The following DSE variants were observed in gnomAD, a reference collection of about 807,000 sequenced individuals.
The protein encoded by DSE is dermatan-sulfate epimerase.
In DSE, 36 loss-of-function variants were observed where a neutral mutation model predicts 84.4. That is an observed-to-expected ratio of 0.43 (90% CI 0.33 to 0.56). DSE has a LOEUF of 0.56. DSE is among the 20% of genes least tolerant of loss of function. The pLI, the probability that DSE is intolerant of heterozygous loss-of-function variation, is 0.06. For missense variants in DSE, 862 were observed against 1,169.6 expected, an observed-to-expected ratio of 0.74 and a Z score of 3.84; for synonymous variants, 410 against 430.1, an observed-to-expected ratio of 0.95 and a Z score of 0.58.
intron 2 of DSE, among the ~76,000 whole-genome samples, chr6:116,311,025 C>T (rs1775664597): frequency 6.6e-6 from 1 of 152,172 alleles, no homozygotes; most frequent in South Asian, 2.1e-4. Context: ...CCATGCTCCT[C>T]CTCATCTCAG....
chr6:116,279,823 C>A, intron 2 of DSE: 1 of 1,613,058 alleles, frequency 6.2e-7, no homozygotes, highest in South Asian at 1.1e-5. Context: ...CCCATCCAGG[C>A]CGCTCATGTT....
intron 4 of DSE, among the ~76,000 whole-genome samples, chr6:116,431,742 C>A (rs1250190672): frequency 6.6e-6 from 1 of 152,152 alleles, no homozygotes; most frequent in East Asian, 1.9e-4. Flanking sequence ...CTTGTAATTT[C>A]TTTATTGCTG....
rs1186281880 is a variant in DSE, at chr6:116,318,442, G to A, written c.-54+59475G>A. The stretch of plus-strand genomic sequence containing the variant: ...AATGGCATGAACCCGGGCCAAGCTT[G>A]CAGTGAGCCGAGATGCACCACTGCG... On this transcript the variant is annotated intron_variant, in intron 2 of 3. Coordinates refer to the DSE transcript ENST00000430252. Among the ~76,000 whole-genome samples, 9 of 152,226 alleles carry A rather than the reference G, an allele frequency of 5.9e-5. No individual in the cohort carries two copies. The East Asian group carries it at 1.4e-3, about 23-fold the overall frequency.
intron 2 of DSE, among the ~76,000 whole-genome samples, chr6:116,301,819 T>G (rs911732620): frequency 6.6e-6 from 1 of 152,168 alleles, no homozygotes; most frequent in African/African-American, 2.4e-5. Context: ...CGGTGTGTGA[T>G]GTTCCCCTCC....
At chr6:116,423,532 G>A (rs1308748903) in intron 2 of DSE, among the ~76,000 whole-genome samples, 1 of 152,218 alleles carries the variant, frequency 6.6e-6, no homozygotes, top group Non-Finnish European at 1.5e-5. Context: ...TGGTGAATCT[G>A]TGTACACATG....
At chr6:116,396,007 A>G (rs999417952) in intron 1 of DSE, among the ~76,000 whole-genome samples, 3 of 152,194 alleles carry the variant, frequency 2.0e-5, no homozygotes, top group African/African-American at 7.2e-5. Context: ...TAGGCTTCAT[A>G]CGTGTTTTCT....
chr6:116,261,172 T>C (rs1293219503), intron 2 of DSE, among the ~76,000 whole-genome samples: 3 of 152,196 alleles, frequency 2.0e-5, no homozygotes, highest in African/African-American at 4.8e-5. Flanking sequence ...TTTGTCGTTA[T>C]CCTTGTAGAG....
At chr6:116,321,807 T>A (rs1287841169) in intron 2 of DSE, among the ~76,000 whole-genome samples, 1 of 152,140 alleles carries the variant, frequency 6.6e-6, no homozygotes, top group Non-Finnish European at 1.5e-5. Context: ...TTTACAGTTC[T>A]TTAAGTAGTG....
chr6:116,422,344 T>C (rs1483850815), intron 2 of DSE, among the ~76,000 whole-genome samples: 2 of 152,262 alleles, frequency 1.3e-5, no homozygotes, highest in East Asian at 1.9e-4. Context: ...AAGTTTGTCA[T>C]TGGCAACAAA....
At chr6:116,402,892 A>G (rs948100650) in intron 2 of DSE, among the ~76,000 whole-genome samples, 2 of 152,318 alleles carry the variant, frequency 1.3e-5, no homozygotes, top group African/African-American at 2.4e-5. Flanking sequence ...CATGCATACA[A>G]ATTTATTAAT....
intron 2 of DSE, among the ~76,000 whole-genome samples, chr6:116,263,051 G>A (rs1772479885): frequency 6.6e-6 from 1 of 152,104 alleles, no homozygotes; most frequent in South Asian, 2.1e-4. Flanking sequence ...CAATTTTAGA[G>A]TATATGCCAT....
At position 116,423,842 on chromosome 6, in the gene DSE, A is replaced by G. The variant is rs75999544; in HGVS notation, c.417-2732A>G. Reference sequence around the variant, plus strand: ...CAGCTATTACAGGTCAGCTTTTCTAATGATATAGGGACAGACCTGAAGGTG... The same window carrying G: ...CAGCTATTACAGGTCAGCTTTTCTAGTGATATAGGGACAGACCTGAAGGTG... On this transcript the variant is annotated intron_variant, in intron 2 of 5. Coordinates refer to ENST00000644252, the MANE Select transcript of DSE (RefSeq NM_013352.4). Among the ~76,000 whole-genome samples, 435 of 152,348 alleles carry G rather than the reference A, an allele frequency of 2.9e-3. 4 individuals carry two copies. Among genetic ancestry groups the G allele is most frequent in the African/African-American group, 0.01 (421 of 41,572 alleles).
chr6:116,441,220 G>A lies in DSE; in HGVS notation c.*3875G>A, dbSNP rs1348400191. On this transcript the variant is annotated 3_prime_UTR_variant, in exon 6 of 6. Coordinates refer to ENST00000644252, the MANE Select transcript of DSE (RefSeq NM_013352.4). Reference sequence around the variant, plus strand: ...AATATGTTCAAATTCTGTTAAACAAGACATAGTCACTATGTGAAGAATAAA... The same window carrying A: ...AATATGTTCAAATTCTGTTAAACAAAACATAGTCACTATGTGAAGAATAAA... 6.6e-6 allele frequency: 1 copy of A among 152,084 alleles called. No homozygotes were observed. The allele number at this position is 152,084 out of a possible 1,614,324, so 9.4% of individuals were successfully genotyped here.
intron 1 of DSE, among the ~76,000 whole-genome samples, chr6:116,375,195 C>T (rs1318054649): frequency 2.0e-5 from 3 of 152,004 alleles, no homozygotes; most frequent in Non-Finnish European, 2.9e-5. Context: ...AGATTAAAAT[C>T]CCAAACTCTT....
Position 116,380,722 on chromosome 6 carries a change from C to T in DSE, c.-54+9601C>T, listed in dbSNP as rs781472060. Among the ~76,000 whole-genome samples, 6 of 152,294 alleles carry T rather than the reference C, an allele frequency of 3.9e-5. No homozygotes were observed. The South Asian group carries it at 1.0e-3, about 26-fold the overall frequency. On this transcript the variant is annotated intron_variant, in intron 1 of 5. Coordinates refer to ENST00000644252, the MANE Select transcript of DSE (RefSeq NM_013352.4). ...AAGACAAAGAAGTCTCAGACCCTGC[C>T]TCCCAGCAGTTTATACCTGAGTTGG... is the stretch of plus-strand genomic sequence containing the variant.
intron 2 of DSE, among the ~76,000 whole-genome samples, chr6:116,269,080 C>G (rs2114611433): frequency 6.6e-6 from 1 of 151,298 alleles, no homozygotes; most frequent in Non-Finnish European, 1.5e-5. Context: ...TAAGAGAAAC[C>G]AGAGACAAAG....
intron 3 of DSE, among the ~76,000 whole-genome samples, chr6:116,429,025 T>C (rs1194392138): frequency 6.6e-6 from 1 of 152,164 alleles, no homozygotes; most frequent in African/African-American, 2.4e-5. Flanking sequence ...TAAGGAAATT[T>C]AGGTAATGTG....
chr6:116,269,408 T>C (rs1005215441), intron 2 of DSE, among the ~76,000 whole-genome samples: 1 of 152,202 alleles, frequency 6.6e-6, no homozygotes, highest in Non-Finnish European at 1.5e-5. Flanking sequence ...TTGTAGGCAG[T>C]ATAAAATCAA....
chr6:116,274,882 T>A (rs1773053461), intron 2 of DSE, among the ~76,000 whole-genome samples: 1 of 152,236 alleles, frequency 6.6e-6, no homozygotes, highest in African/African-American at 2.4e-5. Flanking sequence ...GTTTAATTTT[T>A]ACAGATATTT....
Sources: allele counts gnomAD v4.1 joint callset (sites outside exome capture counted in the v4.1 genomes callset), GRCh38; gene constraint gnomAD v4.1.1; transcripts MANE v1.5; gene names NCBI Gene and HGNC (gene_info 2026-07-23, HGNC 2026-07-21).